The following PRL variants were observed in gnomAD, a reference collection of about 807,000 sequenced individuals.
The protein encoded by PRL is prolactin.
A neutral mutation model predicts 21.3 loss-of-function variants in PRL; 24 were observed. That is an observed-to-expected ratio of 1.13 (90% CI 0.82 to 1.59). The LOEUF is 1.59. Ranked by LOEUF, PRL falls within the 40% of genes most tolerant of loss-of-function variation. The pLI, the probability that PRL is intolerant of heterozygous loss-of-function variation, is 0.00. For synonymous variants in PRL, 118 were observed against 115.7 expected (o/e 1.02, Z -0.13); for missense variants, 243 against 286.9 (o/e 0.85, Z 1.10).
At chr6:22,300,093 G>A (rs1175401282), upstream of PRL, among the ~76,000 whole-genome samples, 1 of 152,126 alleles carries the variant, frequency 6.6e-6, no homozygotes, top group East Asian at 1.9e-4. Flanking sequence ...TAAATAGGAC[G>A]TGTGCTGTTT....
intron 1 of PRL, among the ~76,000 whole-genome samples, chr6:22,294,915 T>C (rs1761143642): frequency 6.6e-6 from 1 of 152,200 alleles, no homozygotes; most frequent in South Asian, 2.1e-4. Flanking sequence ...TAGTTTAATG[T>C]CTTGGGAGTT....
upstream of PRL, chr6:22,297,281 G>A (rs1761199534): frequency 2.3e-6 from 1 of 440,050 alleles, no homozygotes; most frequent in Admixed American, 4.0e-5. Context: ...AATGATGAAG[G>A]TGAGATCTGA....
chr6:22,292,349 C>T (rs1761067767), intron 3 of PRL, among the ~76,000 whole-genome samples, 189 bp downstream of exon 3: 1 of 152,202 alleles, frequency 6.6e-6, no homozygotes, highest in Admixed American at 6.5e-5. Context: ...ATTGCTGCCA[C>T]CATCTTTACT....
At chr6:22,293,702 GGAAA>G (rs1331166228) in intron 2 of PRL, among the ~76,000 whole-genome samples, 7 of 130,822 alleles carry the variant, frequency 5.4e-5, no homozygotes, top group Admixed American at 8.1e-5. Context: ...AAGGAAGGAA[GGAAA>G]GAAGGAAGGA....
chr6:22,294,629 C>G (rs1484948850), intron 1 of PRL, 45 bp from the exon 2 acceptor site: 2 of 1,486,356 alleles, frequency 1.3e-6, no homozygotes, highest in East Asian at 4.9e-5. Context: ...ATTTATTCCA[C>G]GGAGGTTTTC....
At chr6:22,290,149 AAAG>A (rs1197406143) in intron 4 of PRL, 22 bp downstream of exon 4, 3 of 1,507,718 alleles carry the variant, frequency 2.0e-6, no homozygotes, top group Non-Finnish European at 2.7e-6. Context: ...TGAGAAAAAC[AAAG>A]AAGCACCAGG....
upstream of PRL, among the ~76,000 whole-genome samples, chr6:22,300,790 C>T (rs932012757): frequency 6.6e-6 from 1 of 152,176 alleles, no homozygotes; most frequent in South Asian, 2.1e-4. Context: ...ATAGTGGAAG[C>T]ATTTGGAAAT....
intron 1 of PRL, among the ~76,000 whole-genome samples, chr6:22,295,011 C>A (rs1324683234): frequency 6.6e-6 from 1 of 152,038 alleles, no homozygotes; most frequent in Non-Finnish European, 1.5e-5. Context: ...ATTGTAGACA[C>A]TGATATAACA....
At chr6:22,291,267 G>T (rs1761043545) in intron 3 of PRL, among the ~76,000 whole-genome samples, 1 of 152,202 alleles carries the variant, frequency 6.6e-6, no homozygotes, top group South Asian at 2.1e-4. Flanking sequence ...GAGTGTCAGT[G>T]TAGTTTTTCT....
chr6:22,301,007 T>G (rs1181771547), upstream of PRL, among the ~76,000 whole-genome samples: 1 of 152,218 alleles, frequency 6.6e-6, no homozygotes, highest in Non-Finnish European at 1.5e-5. Flanking sequence ...AATCTCACTC[T>G]TTGAGAGTTA....
intron 4 of PRL, among the ~76,000 whole-genome samples, chr6:22,287,923 C>T (rs1011562228): frequency 3.3e-5 from 5 of 152,162 alleles, no homozygotes; most frequent in Admixed American, 2.6e-4. Flanking sequence ...AGCTTCGGTG[C>T]TCTCACTTGA....
At chr6:22,292,282 A>C (rs1761066541) in intron 3 of PRL, among the ~76,000 whole-genome samples, 2 of 152,222 alleles carry the variant, frequency 1.3e-5, no homozygotes, top group African/African-American at 4.8e-5. Context: ...TCCTAGCGAC[A>C]AGGCATTGGT....
rs572463017 is a variant in PRL, at chr6:22,288,407, C to T, written c.493-814G>A. Among the ~76,000 whole-genome samples the T allele has an allele frequency of 1.1e-4, 17 of 152,090 alleles. No individual in the cohort carries two copies. Among genetic ancestry groups the T allele is most frequent in the African/African-American group, 3.1e-4 (13 of 41,474 alleles). On this transcript the variant is annotated intron_variant, in intron 4 of 4. Coordinates refer to ENST00000306482, the MANE Select transcript of PRL (RefSeq NM_000948.6). This position sits in a 1 kb window ranked among gnomAD's most constrained non-coding sequence, Gnocchi z 4.5. The stretch of plus-strand genomic sequence containing the variant: ...AAAATCAGCCGTGCCTATTGGTGCA[C>T]GCCTGTTGTCCCAGCTACTTGGGAG...
rs764226621 is a variant in PRL at position 22,294,590 on chromosome 6, T to A, written c.29-6A>T. On this transcript the variant is annotated splice_polypyrimidine_tract_variant and splice_region_variant and intron_variant, in intron 1 of 4. Coordinates refer to ENST00000306482, the MANE Select transcript of PRL (RefSeq NM_000948.6). ...CAGCAGCAGCAGGAGGGACCCTGCT[T>A]AAATAAGAACGCGAGCCACTCTGAG... 13 of 1,534,426 alleles carry A rather than the reference T, an allele frequency of 8.5e-6. No individual in the cohort carries two copies. Among genetic ancestry groups the A allele is most frequent in the South Asian group, 2.5e-5 (2 of 79,460 alleles).
rs1239280332 is a variant in PRL, at chr6:22,288,430, G to A, written c.493-837C>T. 6.6e-6 allele frequency among the ~76,000 whole-genome samples: 1 copy of A among 152,114 alleles called. No individual in the cohort carries two copies. The highest frequency in any genetic ancestry group is 1.9e-4 in the East Asian group (1 of 5,170). On this transcript the variant is annotated intron_variant, in intron 4 of 4. Coordinates refer to ENST00000306482, the MANE Select transcript of PRL (RefSeq NM_000948.6). This position sits in a 1 kb window ranked among gnomAD's most constrained non-coding sequence, Gnocchi z 4.5. ...CACGCCTGTTGTCCCAGCTACTTGG[G>A]AGGCTGAGGCATGAGGATCGCTTGA...
intron 2 of PRL, among the ~76,000 whole-genome samples, chr6:22,293,328 T>G (rs572053466): frequency 6.6e-6 from 1 of 152,174 alleles, no homozygotes; most frequent in African/African-American, 2.4e-5. Flanking sequence ...TCAGCAAAAC[T>G]TATAAAAGTC....
At chr6:22,295,696 G>A (rs576336095) in intron 1 of PRL, among the ~76,000 whole-genome samples, 3 of 152,234 alleles carry the variant, frequency 2.0e-5, no homozygotes, top group Admixed American at 6.5e-5. Flanking sequence ...GGAAAGAAAC[G>A]ATAGATAGCT....
intron 3 of PRL, 58 bp from the exon 4 acceptor site, chr6:22,290,411 A>G (rs575650385): frequency 7.4e-7 from 1 of 1,355,416 alleles, no homozygotes; most frequent in Admixed American, 2.3e-5. Context: ...GGGGTTAGTT[A>G]CTTGTGATTT....
chr6:22,294,758 A>T (rs2244502), intron 1 of PRL, among the ~76,000 whole-genome samples, 174 bp from the exon 2 acceptor site: 96,844 of 152,108 alleles, frequency 0.64, 31,529 homozygotes, highest in Non-Finnish European at 0.71. Flanking sequence ...AAATGTAGAT[A>T]TATAATTATG....
Sources: allele counts gnomAD v4.1 joint callset (sites outside exome capture counted in the v4.1 genomes callset), GRCh38; gene constraint gnomAD v4.1.1; non-coding constraint Gnocchi (gnomAD v3.1); transcripts MANE v1.5; gene names NCBI Gene and HGNC (gene_info 2026-07-23, HGNC 2026-07-21).